The following PPP6R3 variants were observed in gnomAD, a reference collection of about 807,000 sequenced individuals.
The protein encoded by PPP6R3 is serine/threonine-protein phosphatase 6 regulatory subunit 3.
In PPP6R3, 38 loss-of-function variants were observed where a neutral mutation model predicts 110.7. The observed-to-expected ratio is 0.34, with a 90% CI of 0.26 to 0.45. The LOEUF (loss-of-function observed/expected upper bound fraction) is 0.45. Among genes scored for constraint, PPP6R3 ranks in the 20% least tolerant of loss-of-function variants. The probability of loss-of-function intolerance (pLI) is 1.00; values close to 1 mark genes in which losing one functional copy is unlikely to be tolerated. For missense variants in PPP6R3, 870 were observed against 1,062.4 expected, an observed-to-expected ratio of 0.82 and a Z score of 2.52; for synonymous variants, 369 against 373.5, an observed-to-expected ratio of 0.99 and a Z score of 0.14.
chr11:68,609,321 G>A (rs932356551), intron 22 of PPP6R3, among the ~76,000 whole-genome samples: 1 of 152,178 alleles, frequency 6.6e-6, no homozygotes, highest in African/African-American at 2.4e-5. Flanking sequence ...AGGGCAACTC[G>A]AGGAGCCGTG....
At position 68,583,650 on chromosome 11, in the gene PPP6R3, TTA is replaced by T. The variant is rs2099569523; in HGVS notation, c.1632+524_1632+525del. Among the ~76,000 whole-genome samples the T allele has an allele frequency of 2.0e-5, 3 of 152,220 alleles. No individual in the cohort carries two copies. In the South Asian group the frequency reaches 6.2e-4, roughly 32 times the overall value. ...TTTATCATCTCCCTTTACCACCTGC[TTA>T]TAATCTTTGTGGGGGAAAGCCTCGA... On this transcript the variant is annotated intron_variant, in intron 15 of 23. Coordinates refer to ENST00000393800, the MANE Select transcript of PPP6R3 (RefSeq NM_001164161.2).
intron 1 of PPP6R3, among the ~76,000 whole-genome samples, chr11:68,511,403 CAAAT>C (rs772556702): frequency 6.6e-6 from 1 of 151,496 alleles, no homozygotes; most frequent in Non-Finnish European, 1.5e-5. Flanking sequence ...GTATAAATTA[CAAAT>C]ACTTTCCTTT....
intron 2 of PPP6R3, among the ~76,000 whole-genome samples, chr11:68,529,281 C>G (rs1284516776): frequency 6.6e-6 from 1 of 152,158 alleles, no homozygotes; most frequent in African/African-American, 2.4e-5. Context: ...TGCAGTGGCA[C>G]AATCTCGGCT....
rs1944560734 is a variant in PPP6R3, at chr11:68,613,705, G to C, written c.*588G>C. 1 of 982,388 alleles carries C rather than the reference G, an allele frequency of 1.0e-6. No homozygotes were observed. The highest frequency in any genetic ancestry group is 1.2e-6 in the Non-Finnish European group (1 of 826,978). 60.9% of individuals were successfully genotyped at this position (982,388 alleles called of 1,614,324 possible). A position where few individuals can be genotyped will look rare whatever the true frequency, so the allele number is the denominator to read the frequency against. ...AGTTTTTGATTGGTAATTGTTTTCT[G>C]TATTGTTTAAAACGGATCAAAAATG... On this transcript the variant is annotated 3_prime_UTR_variant, in exon 24 of 24. Coordinates refer to ENST00000393800, the MANE Select transcript of PPP6R3 (RefSeq NM_001164161.2).
chr11:68,603,481 G>A lies in PPP6R3; in HGVS notation c.2439G>A (p.Ala813=), dbSNP rs202146914. 103 of 1,614,036 alleles carry A rather than the reference G, an allele frequency of 6.4e-5. No individual in the cohort carries two copies. Among genetic ancestry groups the A allele is most frequent in the Non-Finnish European group, 8.4e-5 (99 of 1,179,956 alleles). ...SLTVDAKTET[A]VFKSEEGKLS... Reference sequence around the variant, plus strand: ...CTGTAGATGCCAAGACAGAGACTGCGGTCTTCAAAAGGTAACCAGGGGTGA... The same window carrying A: ...CTGTAGATGCCAAGACAGAGACTGCAGTCTTCAAAAGGTAACCAGGGGTGA... The change falls in exon 22 of 24, where the codon GCG becomes GCA. Residue 813 remains alanine, a synonymous_variant. Coordinates refer to ENST00000393800, the MANE Select transcript of PPP6R3 (RefSeq NM_001164161.2).
rs754113081 is a variant in PPP6R3 at position 68,558,690 on chromosome 11, C to G, written c.845+11C>G. 2 of 1,565,556 alleles carry G rather than the reference C, an allele frequency of 1.3e-6. No individual in the cohort carries two copies. The highest frequency in any genetic ancestry group is 1.1e-5 in the South Asian group (1 of 88,066). On this transcript the variant is annotated intron_variant, in intron 8 of 23. Transcript: ENST00000393800. ...GACACGACGACCAACGTAAGCTTTT[C>G]TTATATCTTACAAAATGAACCATGT...
intron 1 of PPP6R3, among the ~76,000 whole-genome samples, chr11:68,501,016 C>T (rs1412145067): frequency 3.9e-5 from 6 of 152,156 alleles, no homozygotes; most frequent in African/African-American, 1.2e-4. Flanking sequence ...TGCATCACGC[C>T]CTCACTGGCA....
chr11:68,541,640 C>G (rs7944870), intron 3 of PPP6R3, among the ~76,000 whole-genome samples: 36,584 of 152,006 alleles, frequency 0.24, 4,666 homozygotes, highest in Middle Eastern at 0.32. Context: ...GGACAGAGGA[C>G]ATGTAAAGCC....
chr11:68,605,844 T>TA (rs1364158020), intron 22 of PPP6R3, among the ~76,000 whole-genome samples: 1 of 152,220 alleles, frequency 6.6e-6, no homozygotes, highest in Non-Finnish European at 1.5e-5. Context: ...ACCTGTCAGT[T>TA]ACAGTAGTAA....
At chr11:68,572,961 T>C (rs957201747) in intron 12 of PPP6R3, among the ~76,000 whole-genome samples, 5 of 151,200 alleles carry the variant, frequency 3.3e-5, no homozygotes, top group Non-Finnish European at 1.5e-5. Context: ...TTTTTTCTTA[T>C]TGCTCCTGAA....
chr11:68,486,639 T>C (rs949229619), intron 1 of PPP6R3, among the ~76,000 whole-genome samples: 10 of 151,090 alleles, frequency 6.6e-5, no homozygotes, highest in Non-Finnish European at 1.3e-4. Context: ...TTCCGTCTGC[T>C]GCTTTCTATT....
intron 2 of PPP6R3, among the ~76,000 whole-genome samples, chr11:68,536,608 C>T (rs2099272287): frequency 6.6e-6 from 1 of 152,122 alleles, no homozygotes; most frequent in Non-Finnish European, 1.5e-5. Context: ...ACATGGATTA[C>T]CATCCTTTGC....
chr11:68,542,049 T>G lies in PPP6R3; in HGVS notation c.228-2789T>G, dbSNP rs148240788. ...AGGGGTGGTGTGGGGTTTTGTTTTT[T>G]CCTAAATGGAAGTGATGACCTGTGA... is the stretch of plus-strand genomic sequence containing the variant. On this transcript the variant is annotated intron_variant, in intron 3 of 23. Coordinates refer to ENST00000393800, the MANE Select transcript of PPP6R3 (RefSeq NM_001164161.2). Among the ~76,000 whole-genome samples the G allele has an allele frequency of 7.4e-4, 112 of 150,844 alleles. 1 individual carries two copies. In the East Asian group the frequency reaches 0.017, roughly 23 times the overall value.
chr11:68,514,033 TTAC>T (rs2099123662), intron 1 of PPP6R3, among the ~76,000 whole-genome samples: 1 of 152,172 alleles, frequency 6.6e-6, no homozygotes, highest in African/African-American at 2.4e-5. Flanking sequence ...TTGCATACAA[TTAC>T]CACCCGTAGT....
intron 1 of PPP6R3, among the ~76,000 whole-genome samples, chr11:68,495,422 T>G (rs1475467142): frequency 6.6e-6 from 1 of 152,230 alleles, no homozygotes; most frequent in Non-Finnish European, 1.5e-5. Context: ...TGTACAACTG[T>G]CATCACAATC....
chr11:68,549,957 T>G (rs1418979551), intron 5 of PPP6R3, among the ~76,000 whole-genome samples: 1 of 152,164 alleles, frequency 6.6e-6, no homozygotes, highest in Non-Finnish European at 1.5e-5. Context: ...ATTGATTAGT[T>G]CGCCGCCTGG....
intron 1 of PPP6R3, among the ~76,000 whole-genome samples, chr11:68,485,259 T>C (rs1005750412): frequency 5.6e-4 from 85 of 151,106 alleles, no homozygotes; most frequent in African/African-American, 2.0e-3. Flanking sequence ...TATAATGGCT[T>C]ATAAGTTCTG....
At chr11:68,597,064 G>C (rs1369532467) in intron 19 of PPP6R3, among the ~76,000 whole-genome samples, 1 of 152,210 alleles carries the variant, frequency 6.6e-6, no homozygotes, top group East Asian at 1.9e-4. Flanking sequence ...GGACTTTTCT[G>C]TCCGTAATTC....
chr11:68,556,327 A>G (rs1423478835), intron 7 of PPP6R3, among the ~76,000 whole-genome samples: 1 of 152,238 alleles, frequency 6.6e-6, no homozygotes, highest in African/African-American at 2.4e-5. Context: ...GTGTTAAATA[A>G]AGAATGTTTG....
Sources: allele counts gnomAD v4.1 joint callset (sites outside exome capture counted in the v4.1 genomes callset), GRCh38; gene constraint gnomAD v4.1.1; transcripts MANE v1.5; gene names NCBI Gene and HGNC (gene_info 2026-07-23, HGNC 2026-07-21).